Variants in THSD7A observed in about 807,000 individuals in gnomAD.
THSD7A encodes the protein thrombospondin type-1 domain-containing protein 7A.
In THSD7A, 96 loss-of-function variants were observed where a neutral mutation model predicts 231.3. The observed-to-expected ratio is 0.41, with a 90% CI of 0.35 to 0.49. The LOEUF (loss-of-function observed/expected upper bound fraction) is 0.49, where lower values mean the gene tolerates loss of function less well. THSD7A is among the 20% of genes least tolerant of loss of function. THSD7A has a pLI of 0.05. For missense variants in THSD7A, 2,290 were observed against 2,070.2 expected (o/e 1.11, Z -2.06); for synonymous variants, 940 against 743.3 (o/e 1.26, Z -4.30).
intron 6 of THSD7A, among the ~76,000 whole-genome samples, chr7:11,511,564 T>A (rs1425020095): frequency 2.6e-5 from 4 of 152,168 alleles, no homozygotes; most frequent in African/African-American, 9.7e-5. Flanking sequence ...CAAAACAGCA[T>A]GGTACTGGTA....
chr7:11,719,950 T>G (rs1781289343), intron 1 of THSD7A, among the ~76,000 whole-genome samples: 2 of 144,264 alleles, frequency 1.4e-5, no homozygotes, highest in Non-Finnish European at 3.1e-5. Flanking sequence ...TTATCTGTCC[T>G]GAATGAGATT....
At chr7:11,546,195 G>GGT (rs1554335258) in intron 4 of THSD7A, among the ~76,000 whole-genome samples, 13 of 78,698 alleles carry the variant, frequency 1.7e-4, no homozygotes, top group Non-Finnish European at 3.2e-4. Flanking sequence ...TGCTGGTGTG[G>GGT]GCGCGCGCTC....
chr7:11,689,157 G>C (rs1026641557), intron 1 of THSD7A, among the ~76,000 whole-genome samples: 9 of 151,822 alleles, frequency 5.9e-5, no homozygotes, highest in African/African-American at 2.2e-4. Flanking sequence ...AAGTCTTAGA[G>C]TCTGAGCCAC....
chr7:11,585,068 G>A (rs1415413365), intron 4 of THSD7A, among the ~76,000 whole-genome samples: 1 of 152,194 alleles, frequency 6.6e-6, no homozygotes, highest in African/African-American at 2.4e-5. Flanking sequence ...CAGTACTCAT[G>A]TTTATCTGAC....
intron 1 of THSD7A, among the ~76,000 whole-genome samples, chr7:11,724,330 A>G (rs1583227180): frequency 6.6e-6 from 1 of 151,940 alleles, no homozygotes; most frequent in African/African-American, 2.4e-5. Context: ...AAGCCAGGGT[A>G]GCTCCATTTT....
At position 11,406,198 on chromosome 7, in the gene THSD7A, G is replaced by A; in HGVS notation, c.4237+102C>T. The A allele has an allele frequency of 8.5e-7, 1 of 1,178,942 alleles. No individual in the cohort carries two copies. The highest frequency in any genetic ancestry group is 1.2e-6 in the Non-Finnish European group (1 of 837,926). The allele number at this position is 1,178,942 out of a possible 1,614,324, so 73.0% of individuals were successfully genotyped here. On this transcript the variant is annotated intron_variant, in intron 22 of 27. Transcript: ENST00000423059. The surrounding 1 kb of genome is among the most constrained non-coding windows in gnomAD (Gnocchi z 4.7). ...TGGCATAGATATTACTGAATAAGAA[G>A]ACTGTTGACATCCTGTAACTTATAC... is the stretch of plus-strand genomic sequence containing the variant.
chr7:11,474,970 C>A lies in THSD7A; in HGVS notation c.2018-402G>T, dbSNP rs1786097262. ...GAAAAATTTTGAAGGAGTAGGATTTCAATAAGCAGAATTCTGGGAAGGGAC... is the reference window on the plus strand; with the variant it reads ...GAAAAATTTTGAAGGAGTAGGATTTAAATAAGCAGAATTCTGGGAAGGGAC... On this transcript the variant is annotated intron_variant, in intron 7 of 27. Coordinates refer to ENST00000423059, the MANE Select transcript of THSD7A (RefSeq NM_015204.3). This position sits in a 1 kb window ranked among gnomAD's most constrained non-coding sequence, Gnocchi z 4.1. Among the ~76,000 whole-genome samples the A allele has an allele frequency of 6.6e-6, 1 of 151,962 alleles. No homozygotes were observed. The highest frequency in any genetic ancestry group is 1.5e-5 in the Non-Finnish European group (1 of 67,976).
rs939693846 is a variant in THSD7A, at chr7:11,411,302, T to A, written c.3703A>T (p.Ser1235Cys). Residue 1235 changes from serine (S) to cysteine (C), a missense_variant, in exon 19 of 28, where the codon AGT (serine) becomes TGT (cysteine). Ser to Cys is a moderately radical substitution (Grantham distance 112). Transcript: ENST00000423059. This position sits in a 1 kb window ranked among gnomAD's most constrained non-coding sequence, Gnocchi z 4.1. ...NVTDWSTCQL[S>C]EKAVCGNGIK... ...CCATTTCCACAAACTGCCTTCTCACTCAGCTGACATGTACTCCAGTCTGAA... is the reference window on the plus strand; with the variant it reads ...CCATTTCCACAAACTGCCTTCTCACACAGCTGACATGTACTCCAGTCTGAA... 1.9e-6 allele frequency: 3 copies of A among 1,613,420 alleles called. No individual in the cohort carries two copies. Among genetic ancestry groups the A allele is most frequent in the African/African-American group, 1.3e-5 (1 of 74,876 alleles).
chr7:11,805,464 A>G (rs1784375971), intron 1 of THSD7A, among the ~76,000 whole-genome samples: 1 of 152,166 alleles, frequency 6.6e-6, no homozygotes, highest in African/African-American at 2.4e-5. Flanking sequence ...TGGTCTCTAT[A>G]TTATGAATAA....
At chr7:11,425,309 A>G (rs1214693023) in intron 15 of THSD7A, among the ~76,000 whole-genome samples, 1 of 152,186 alleles carries the variant, frequency 6.6e-6, no homozygotes, top group Non-Finnish European at 1.5e-5. Flanking sequence ...TATTTTCCAG[A>G]TAACTATAAA....
chr7:11,723,423 T>C (rs1781430248), intron 1 of THSD7A, among the ~76,000 whole-genome samples: 1 of 151,736 alleles, frequency 6.6e-6, no homozygotes, highest in Non-Finnish European at 1.5e-5. Flanking sequence ...CATGTATACA[T>C]ATGTAACAAA....
intron 1 of THSD7A, among the ~76,000 whole-genome samples, chr7:11,654,389 C>T (rs1260338346): frequency 6.6e-6 from 1 of 151,914 alleles, no homozygotes; most frequent in Non-Finnish European, 1.5e-5. Context: ...AGGAATGTCA[C>T]CCAATAAAGC....
At chr7:11,672,720 C>T (rs186520072) in intron 1 of THSD7A, among the ~76,000 whole-genome samples, 11 of 152,072 alleles carry the variant, frequency 7.2e-5, no homozygotes, top group South Asian at 4.1e-4. Flanking sequence ...ATATACCTCA[C>T]GGTGCTTTAT....
intron 23 of THSD7A, among the ~76,000 whole-genome samples, chr7:11,398,957 C>T (rs189959256): frequency 2.3e-4 from 35 of 152,264 alleles, no homozygotes; most frequent in African/African-American, 7.5e-4. Flanking sequence ...CCTCACATCC[C>T]GTTGTTTACT....
chr7:11,544,142 G>C (rs1789272136), intron 4 of THSD7A, among the ~76,000 whole-genome samples: 1 of 152,072 alleles, frequency 6.6e-6, no homozygotes, highest in African/African-American at 2.4e-5. Context: ...AAGAGCTAGA[G>C]ACCATCCAGG....
chr7:11,674,574 G>T (rs1365375359), intron 1 of THSD7A, among the ~76,000 whole-genome samples: 1 of 152,136 alleles, frequency 6.6e-6, no homozygotes, highest in East Asian at 1.9e-4. Flanking sequence ...CTGCAACAAA[G>T]GAACCTGTAC....
chr7:11,790,784 T>G (rs969097676), intron 1 of THSD7A, among the ~76,000 whole-genome samples: 2 of 151,952 alleles, frequency 1.3e-5, no homozygotes, highest in African/African-American at 4.8e-5. Context: ...AAATCAAAGA[T>G]GTACAAAGAC....
chr7:11,625,348 A>G (rs1306312554), intron 2 of THSD7A, among the ~76,000 whole-genome samples: 1 of 152,114 alleles, frequency 6.6e-6, no homozygotes, highest in Non-Finnish European at 1.5e-5. Context: ...CAAGATGTTT[A>G]CTGTACAATG....
At chr7:11,456,479 T>C (rs1035056784) in intron 11 of THSD7A, among the ~76,000 whole-genome samples, 2 of 152,092 alleles carry the variant, frequency 1.3e-5, no homozygotes, top group Non-Finnish European at 2.9e-5. Context: ...AGTTCTTTTA[T>C]TGCTGAATTG....
Sources: gnomAD v4.1 joint callset for allele counts (sites outside exome capture counted in the v4.1 genomes callset) on GRCh38, gnomAD v4.1.1 for gene constraint, Gnocchi (gnomAD v3.1) non-coding constraint, MANE v1.5 for transcripts, NCBI Gene and HGNC (gene_info 2026-07-23, HGNC 2026-07-21) for gene names.